The following HERC4 variants were observed in gnomAD, a reference collection of about 807,000 sequenced individuals.
HERC4 encodes probable E3 ubiquitin-protein ligase HERC4.
In HERC4, 28 loss-of-function variants were observed where a neutral mutation model predicts 124.3. The ratio of observed to expected loss-of-function variants is 0.23; its 90% CI spans 0.17 to 0.31. The LOEUF (loss-of-function observed/expected upper bound fraction) is 0.31, where lower values mean the gene tolerates loss of function less well. Among genes scored for constraint, HERC4 ranks in the 10% least tolerant of loss-of-function variants. HERC4 has a pLI of 1.00. For missense variants in HERC4, 713 were observed against 1,229.3 expected, an observed-to-expected ratio of 0.58 and a Z score of 6.28; for synonymous variants, 407 against 421.5, an observed-to-expected ratio of 0.97 and a Z score of 0.42.
chr10:67,991,218 T>A lies in HERC4; in HGVS notation c.1272-19A>T. The A allele has an allele frequency of 7.0e-7, 1 of 1,421,574 alleles. No individual in the cohort carries two copies. The highest frequency in any genetic ancestry group is 9.5e-7 in the Non-Finnish European group (1 of 1,050,656). The allele number at this position is 1,421,574 out of a possible 1,614,324, so 88.1% of individuals were successfully genotyped here. A position where few individuals can be genotyped will look rare whatever the true frequency, so the allele number is the denominator to read the frequency against. ...TATCTCACTAAAAAATTTAAAAAAG[T>A]TTTTTTAATCATAGAATCAGAAATT... On this transcript the variant is annotated intron_variant, in intron 11 of 24. Transcript: ENST00000373700.
chr10:67,984,605 C>CA (rs978650290), intron 15 of HERC4, among the ~76,000 whole-genome samples: 21 of 151,606 alleles, frequency 1.4e-4, no homozygotes, highest in South Asian at 6.3e-4. Flanking sequence ...TTTTTTGAGA[C>CA]AGAGTCTCAC....
At chr10:68,026,452 T>C (rs2038906140) in intron 7 of HERC4, among the ~76,000 whole-genome samples, 2 of 151,554 alleles carry the variant, frequency 1.3e-5, no homozygotes, top group African/African-American at 4.8e-5. Flanking sequence ...TAAAAAAAAC[T>C]CCCTATAAAA....
At chr10:68,023,614 C>G (rs1407803550) in intron 8 of HERC4, among the ~76,000 whole-genome samples, 2 of 152,046 alleles carry the variant, frequency 1.3e-5, no homozygotes, top group Non-Finnish European at 2.9e-5. Context: ...AAAAAGAATT[C>G]TAGAGATGAA....
intron 9 of HERC4, 133 bp from the exon 10 acceptor site, chr10:67,992,815 T>C: frequency 1.7e-6 from 1 of 586,182 alleles, no homozygotes. Flanking sequence ...TGGTATAAAG[T>C]GACTTGAAAT....
At chr10:67,973,434 GAATA>G (rs1451616985) in intron 15 of HERC4, among the ~76,000 whole-genome samples, 1 of 152,204 alleles carries the variant, frequency 6.6e-6, no homozygotes, top group Non-Finnish European at 1.5e-5. Context: ...GTAGGAATTA[GAATA>G]AGTGTTCATC....
At chr10:68,043,138 A>T (rs1436565993) in intron 4 of HERC4, among the ~76,000 whole-genome samples, 1 of 152,160 alleles carries the variant, frequency 6.6e-6, no homozygotes, top group Non-Finnish European at 1.5e-5. Context: ...TTATTTACCT[A>T]TGTATTACTG....
At chr10:68,048,156 T>C (rs1455756795) in intron 3 of HERC4, among the ~76,000 whole-genome samples, 3 of 151,910 alleles carry the variant, frequency 2.0e-5, no homozygotes, top group Non-Finnish European at 4.4e-5. Flanking sequence ...TGGGCTCAAG[T>C]GCTCCTCCCA....
intron 9 of HERC4, among the ~76,000 whole-genome samples, chr10:68,012,504 C>T (rs374585007): frequency 1.3e-5 from 2 of 152,006 alleles, no homozygotes; most frequent in Admixed American, 6.6e-5. Flanking sequence ...TAGGAAGGCC[C>T]GAGGAGAGGA....
At chr10:68,042,363 G>A (rs973492631) in intron 4 of HERC4, among the ~76,000 whole-genome samples, 3 of 152,134 alleles carry the variant, frequency 2.0e-5, no homozygotes, top group Non-Finnish European at 4.4e-5. Flanking sequence ...AGTGGCTTAC[G>A]CCTGTAATCT....
intron 3 of HERC4, among the ~76,000 whole-genome samples, chr10:68,059,451 T>C (rs2040719680): frequency 1.6e-5 from 2 of 128,328 alleles, no homozygotes; most frequent in South Asian, 4.5e-4. Context: ...AATAATATTA[T>C]ATATTATAAT....
At chr10:68,061,386 A>G (rs1013424870) in intron 3 of HERC4, among the ~76,000 whole-genome samples, 5 of 151,902 alleles carry the variant, frequency 3.3e-5, no homozygotes, top group Admixed American at 1.3e-4. Context: ...ACAAAAAATT[A>G]GCCGGGAGTC....
In HERC4 at chr10:68,044,442, A is replaced by G. The variant is rs2133499942; in HGVS notation, c.348T>C (p.Leu116=). 3.7e-6 allele frequency: 6 copies of G among 1,614,114 alleles called. No homozygotes were observed. Among genetic ancestry groups the G allele is most frequent in the Middle Eastern group, 1.6e-4 (1 of 6,062 alleles). Residue 116 remains leucine, a synonymous_variant, in exon 4 of 25, where the codon CTT becomes CTC. Coordinates refer to ENST00000373700, the MANE Select transcript of HERC4 (RefSeq NM_015601.4). ...TGCATTCCTCTGATCCTACCAGGCC[A>G]AGCTGTCCATCAGAATCGAGACCCC... ...YAWGLDSDGQ[L]GLVGSEECIR...
intron 9 of HERC4, chr10:67,993,572 A>C (rs2036678346): frequency 6.6e-6 from 1 of 152,134 alleles, no homozygotes; most frequent in Admixed American, 6.5e-5. Flanking sequence ...ACAAAAATTA[A>C]AACTTCTGGA....
At chr10:68,035,717 C>T (rs74145836) in intron 5 of HERC4, among the ~76,000 whole-genome samples, 2,892 of 152,156 alleles carry the variant, frequency 0.019, 87 homozygotes, top group African/African-American at 0.066. Flanking sequence ...AGCCGTATTG[C>T]CTTCCTTTAT....
Position 68,019,291 on chromosome 10 carries a change from C to T in HERC4, c.909-5105G>A, listed in dbSNP as rs570308178. ...GATTACAGGCGTGAGCCACTGCGCC[C>T]GGTCCAGCCAAAGCATTCTTAAAGA... On this transcript the variant is annotated intron_variant, in intron 8 of 24. Coordinates refer to ENST00000373700, the MANE Select transcript of HERC4 (RefSeq NM_015601.4). 3.5e-4 allele frequency among the ~76,000 whole-genome samples: 53 copies of T among 152,028 alleles called. 1 individual carries two copies. Among genetic ancestry groups the T allele is most frequent in the Admixed American group, 2.1e-3 (32 of 15,250 alleles).
intron 15 of HERC4, among the ~76,000 whole-genome samples, chr10:67,973,770 T>C (rs770023973): frequency 1.3e-5 from 2 of 152,074 alleles, no homozygotes; most frequent in Non-Finnish European, 2.9e-5. Flanking sequence ...TTACTGTACA[T>C]AGGTTGGGCA....
intron 15 of HERC4, among the ~76,000 whole-genome samples, chr10:67,969,455 A>G (rs941021688): frequency 1.3e-5 from 2 of 152,186 alleles, no homozygotes; most frequent in African/African-American, 2.4e-5. Context: ...AAACAACTGG[A>G]AACAAGGCAG....
At chr10:68,068,805 T>C (rs867769272) in intron 3 of HERC4, 1 of 152,356 alleles carries the variant, frequency 6.6e-6, no homozygotes, top group Admixed American at 6.6e-5. Flanking sequence ...AACCACAAGA[T>C]TTAGGGTGGT....
chr10:67,974,605 T>C (rs1055213433), intron 15 of HERC4, among the ~76,000 whole-genome samples: 29 of 152,234 alleles, frequency 1.9e-4, no homozygotes, highest in African/African-American at 6.3e-4. Context: ...CTATAGTTCT[T>C]ACTTCTAATG....
Sources: gnomAD v4.1 joint callset for allele counts (sites outside exome capture counted in the v4.1 genomes callset) on GRCh38, gnomAD v4.1.1 for gene constraint, MANE v1.5 for transcripts, NCBI Gene and HGNC (gene_info 2026-07-23, HGNC 2026-07-21) for gene names.